The following KCMF1 variants were observed in gnomAD, a reference collection of about 807,000 sequenced individuals.
KCMF1 encodes E3 ubiquitin-protein ligase KCMF1.
A neutral mutation model predicts 41.1 loss-of-function variants in KCMF1; 3 were observed. That is an observed-to-expected ratio of 0.07 (90% CI 0.03 to 0.19). The LOEUF (loss-of-function observed/expected upper bound fraction) is 0.19, where lower values mean the gene tolerates loss of function less well. Among genes scored for constraint, KCMF1 ranks in the 10% least tolerant of loss-of-function variants. The probability of loss-of-function intolerance (pLI) is 1.00; values close to 1 mark genes in which losing one functional copy is unlikely to be tolerated. For missense variants in KCMF1, 286 were observed against 488.9 expected, an observed-to-expected ratio of 0.58 and a Z score of 3.91; for synonymous variants, 142 against 164.5, an observed-to-expected ratio of 0.86 and a Z score of 1.04.
intron 2 of KCMF1, among the ~76,000 whole-genome samples, chr2:85,031,321 G>A (rs1558582005): frequency 6.6e-6 from 1 of 152,108 alleles, no homozygotes; most frequent in Admixed American, 6.6e-5. Flanking sequence ...ACAAACTTTT[G>A]TAGTTATCAC....
intron 6 of KCMF1, among the ~76,000 whole-genome samples, chr2:85,050,818 A>G (rs1027444921): frequency 2.0e-5 from 3 of 152,240 alleles, no homozygotes; most frequent in Non-Finnish European, 2.9e-5. Flanking sequence ...ATACTCTGTT[A>G]ATACAGTGGT....
At chr2:85,045,714 GT>G (rs1675648841) in intron 4 of KCMF1, among the ~76,000 whole-genome samples, 3 of 152,316 alleles carry the variant, frequency 2.0e-5, no homozygotes, top group Admixed American at 2.0e-4. Context: ...ATGCAAATCT[GT>G]TTTCTGCTTA....
At chr2:85,027,829 A>G (rs528275819) in intron 1 of KCMF1, 60 bp from the exon 2 acceptor site, 1 of 1,059,764 alleles carries the variant, frequency 9.4e-7, no homozygotes, top group South Asian at 1.6e-5. Flanking sequence ...AACATTCATA[A>G]AAATGAAATC....
Position 84,999,444 on chromosome 2 carries a change from C to T in KCMF1, c.16+27977C>T, listed in dbSNP as rs545452669. ...GGGATTACAGGCGTGAGCCACCACA[C>T]CCGGCCTCATTTATTTTTTATAACA... On this transcript the variant is annotated intron_variant, in intron 1 of 6. Transcript: ENST00000409785. Among the ~76,000 whole-genome samples the T allele has an allele frequency of 4.6e-5, 7 of 152,344 alleles. No homozygotes were observed. The East Asian group carries it at 1.3e-3, about 29-fold the overall frequency.
At chr2:85,004,789 T>C (rs192614356) in intron 1 of KCMF1, among the ~76,000 whole-genome samples, 2 of 152,298 alleles carry the variant, frequency 1.3e-5, no homozygotes, top group African/African-American at 4.8e-5. Context: ...TAGGCCTTTT[T>C]ATGAATGACA....
chr2:85,023,049 G>A (rs559016105), intron 1 of KCMF1, among the ~76,000 whole-genome samples: 1 of 151,832 alleles, frequency 6.6e-6, no homozygotes, highest in South Asian at 2.1e-4. Context: ...CATCACGCCT[G>A]GCTAATTTTT....
chr2:84,981,765 TTTTGTTTG>T (rs201977763), intron 1 of KCMF1, among the ~76,000 whole-genome samples: 4 of 152,048 alleles, frequency 2.6e-5, no homozygotes, highest in East Asian at 1.9e-4. Flanking sequence ...TCTCCAGGCT[TTTTGTTTG>T]TTTGTTTGTT....
At chr2:85,018,517 G>C in intron 1 of KCMF1, among the ~76,000 whole-genome samples, 1 of 151,572 alleles carries the variant, frequency 6.6e-6, no homozygotes, top group East Asian at 2.0e-4. Context: ...TGATCTGCCC[G>C]CTTCGGCCTC....
intron 1 of KCMF1, among the ~76,000 whole-genome samples, chr2:84,988,565 G>T (rs1461284813): frequency 6.6e-6 from 1 of 152,168 alleles, no homozygotes; most frequent in East Asian, 1.9e-4. Context: ...TCTGTACCAA[G>T]AACTTTTAGA....
Position 85,053,528 on chromosome 2 carries a change from T to G in KCMF1, c.*119T>G. On this transcript the variant is annotated 3_prime_UTR_variant, in exon 7 of 7. Coordinates refer to ENST00000409785, the MANE Select transcript of KCMF1 (RefSeq NM_020122.5). ...CAGGTCTGTCACTCTTGTTACATTGTGTACATTCAAAAGGAAGAGAGAAAA... is the reference window on the plus strand; with the variant it reads ...CAGGTCTGTCACTCTTGTTACATTGGGTACATTCAAAAGGAAGAGAGAAAA... 1 of 1,011,882 alleles carries G rather than the reference T, an allele frequency of 9.9e-7. No individual in the cohort carries two copies. Among genetic ancestry groups the G allele is most frequent in the Non-Finnish European group, 1.4e-6 (1 of 701,110 alleles). 62.7% of individuals were successfully genotyped at this position (1,011,882 alleles called of 1,614,324 possible). A position where few individuals can be genotyped will look rare whatever the true frequency, so the allele number is the denominator to read the frequency against.
At chr2:84,991,699 T>G (rs1244870107) in intron 1 of KCMF1, among the ~76,000 whole-genome samples, 1 of 152,096 alleles carries the variant, frequency 6.6e-6, no homozygotes, top group Non-Finnish European at 1.5e-5. Context: ...TCCAATATAA[T>G]CAAGAGGAAG....
intron 1 of KCMF1, among the ~76,000 whole-genome samples, chr2:85,016,350 A>G (rs1674768315): frequency 6.6e-6 from 1 of 152,186 alleles, no homozygotes; most frequent in Non-Finnish European, 1.5e-5. Flanking sequence ...GGTTTTTAAA[A>G]ATATGCGTAT....
At chr2:85,026,337 A>G (rs1429310036) in intron 1 of KCMF1, among the ~76,000 whole-genome samples, 7 of 150,998 alleles carry the variant, frequency 4.6e-5, no homozygotes, top group African/African-American at 7.3e-5. Flanking sequence ...AGATCTCTCT[A>G]TGTTGCCTTG....
rs201158649 is a variant in KCMF1, at chr2:85,019,951, T to TA, written c.17-7930dup. Among the ~76,000 whole-genome samples the TA allele has an allele frequency of 3.7e-3, 563 of 151,908 alleles. 10 individuals are homozygous for TA. Among genetic ancestry groups the TA allele is most frequent in the Non-Finnish European group, 1.4e-3 (94 of 67,952 alleles). ...TTTTATCAAAAATAGATAGTAAATTTAAAAAAAACCCTGTTTCCTTTTTAA... is the reference window on the plus strand; with the variant it reads ...TTTTATCAAAAATAGATAGTAAATTTAAAAAAAAACCCTGTTTCCTTTTTAA... On this transcript the variant is annotated intron_variant, in intron 1 of 6. Transcript: ENST00000409785.
At chr2:85,036,321 A>G (rs181342710) in intron 3 of KCMF1, among the ~76,000 whole-genome samples, 2 of 152,318 alleles carry the variant, frequency 1.3e-5, no homozygotes, top group East Asian at 3.9e-4. Flanking sequence ...TTTATTCTGT[A>G]AAGTGACTTT....
chr2:84,995,831 G>A (rs771561997), intron 1 of KCMF1, among the ~76,000 whole-genome samples: 35 of 152,118 alleles, frequency 2.3e-4, no homozygotes, highest in Non-Finnish European at 4.0e-4. Flanking sequence ...CATACTTTAA[G>A]TAAAATGCTC....
intron 1 of KCMF1, among the ~76,000 whole-genome samples, chr2:84,990,339 A>G (rs1574009543): frequency 6.6e-6 from 1 of 152,228 alleles, no homozygotes; most frequent in African/African-American, 2.4e-5. Context: ...AAACTCATTC[A>G]TTCTACAAAT....
At chr2:85,012,766 T>G (rs1471848415) in intron 1 of KCMF1, among the ~76,000 whole-genome samples, 1 of 152,230 alleles carries the variant, frequency 6.6e-6, no homozygotes, top group Non-Finnish European at 1.5e-5. Flanking sequence ...GCTTTATGTT[T>G]GTTGTAGGTC....
intron 1 of KCMF1, among the ~76,000 whole-genome samples, chr2:85,019,827 T>C (rs1240103378): frequency 6.6e-6 from 1 of 151,824 alleles, no homozygotes; most frequent in Non-Finnish European, 1.5e-5. Context: ...CGTATATATA[T>C]ACGTATGTAT....
Sources: gnomAD v4.1 joint callset for allele counts (sites outside exome capture counted in the v4.1 genomes callset) on GRCh38, gnomAD v4.1.1 for gene constraint, MANE v1.5 for transcripts, NCBI Gene and HGNC (gene_info 2026-07-23, HGNC 2026-07-21) for gene names.